DIP2C: variants seen among roughly 807,000 people sequenced by gnomAD.
DIP2C encodes disco-interacting protein 2 homolog C.
Under a neutral mutation model 192.4 loss-of-function variants are expected in DIP2C, and 33 were observed. The ratio of observed to expected loss-of-function variants is 0.17; its 90% CI spans 0.13 to 0.23. The LOEUF (loss-of-function observed/expected upper bound fraction) is 0.23, where lower values mean the gene tolerates loss of function less well. Ranked by LOEUF, DIP2C falls within the 10% of genes least tolerant of loss-of-function variation. The pLI, the probability that DIP2C is intolerant of heterozygous loss-of-function variation, is 1.00. For synonymous variants in DIP2C, 979 were observed against 864.1 expected, an observed-to-expected ratio of 1.13 and a Z score of -2.33; for missense variants, 1,537 against 2,110.1, an observed-to-expected ratio of 0.73 and a Z score of 5.32.
At chr10:482,579 T>TAC (rs1843684352) in intron 2 of DIP2C, among the ~76,000 whole-genome samples, 1 of 152,180 alleles carries the variant, frequency 6.6e-6, no homozygotes, top group African/African-American at 2.4e-5. Flanking sequence ...TGGAGAGGAA[T>TAC]ACCAGATCTT....
At chr10:338,023 G>A (rs12769513) in intron 29 of DIP2C, among the ~76,000 whole-genome samples, 1 of 152,128 alleles carries the variant, frequency 6.6e-6, no homozygotes, top group Non-Finnish European at 1.5e-5. Flanking sequence ...TGGAGGCCTA[G>A]GCTGATGTGT....
intron 31 of DIP2C, among the ~76,000 whole-genome samples, chr10:316,477 G>A (rs186468580): frequency 8.5e-5 from 13 of 152,274 alleles, no homozygotes; most frequent in African/African-American, 2.9e-4. Flanking sequence ...CTATTCCACT[G>A]CCACACTCCC....
rs1157477615 is a variant in DIP2C at position 651,433 on chromosome 10, G to C, written c.85+38061C>G. On this transcript the variant is annotated intron_variant, in intron 1 of 36. Transcript: ENST00000280886. The surrounding 1 kb of genome is among the most constrained non-coding windows in gnomAD (Gnocchi z 4.1). ...GTGACTGAATGAACAAGTATGTTAA[G>C]TCGTTAAGTAAAAATAGCAGAAGAC... 1 of 687,372 alleles carries C rather than the reference G, an allele frequency of 1.5e-6. No homozygotes were observed. Among genetic ancestry groups the C allele is most frequent in the Non-Finnish European group, 2.7e-6 (1 of 374,622 alleles). The allele number at this position is 687,372 out of a possible 1,614,324, so 42.6% of individuals were successfully genotyped here. A position where few individuals can be genotyped will look rare whatever the true frequency, so the allele number is the denominator to read the frequency against.
Position 502,525 on chromosome 10 carries a change from C to A in DIP2C, c.86-15995G>T, listed in dbSNP as rs536413055. Among the ~76,000 whole-genome samples, 6 of 152,062 alleles carry A rather than the reference C, an allele frequency of 3.9e-5. No individual in the cohort carries two copies. In the South Asian group the frequency reaches 1.2e-3, roughly 32 times the overall value. ...AGCCAGAAAAAGACATCATAATGAG[C>A]ACAAATCAAAGAAACTGAAAACAGA... On this transcript the variant is annotated intron_variant, in intron 1 of 36. Transcript: ENST00000280886.
At chr10:514,844 T>G (rs78608396) in intron 1 of DIP2C, among the ~76,000 whole-genome samples, 2,418 of 152,280 alleles carry the variant, frequency 0.016, 62 homozygotes, top group African/African-American at 0.054. Flanking sequence ...TTCCTGTGCT[T>G]GGAGGATTTA....
At chr10:321,365 C>T (rs764653731) in intron 31 of DIP2C, among the ~76,000 whole-genome samples, 3 of 152,236 alleles carry the variant, frequency 2.0e-5, no homozygotes, top group East Asian at 1.9e-4. Flanking sequence ...CCCCTCTGAC[C>T]GTGATGCCCT....
rs1564824684 is a variant in DIP2C, at chr10:532,660, TATGGGTGTGAGA to T, written c.86-46142_86-46131del. On this transcript the variant is annotated intron_variant, in intron 1 of 36. Transcript: ENST00000280886. ...GAGAGAGTATGGGTGTGAGAGAGAGTATGGGTGTGAGAGAGAGTATGGGTGTGAGAGAGTATG... is the reference window on the plus strand; with the variant it reads ...GAGAGAGTATGGGTGTGAGAGAGAGTGAGAGTATGGGTGTGAGAGAGTATG... Among the ~76,000 whole-genome samples, 97 of 94,898 alleles carry T rather than the reference TATGGGTGTGAGA, an allele frequency of 1.0e-3. 2 individuals are homozygous for T. The highest frequency in any genetic ancestry group is 1.4e-3 in the Admixed American group (14 of 9,902). 62.3% of individuals were successfully genotyped at this position (94,898 alleles called of 152,430 possible).
intron 1 of DIP2C, among the ~76,000 whole-genome samples, chr10:607,411 T>TC (rs1434401923): frequency 2.0e-5 from 3 of 152,154 alleles, no homozygotes; most frequent in Non-Finnish European, 4.4e-5. Context: ...CATGAGTCCC[T>TC]CCAAGACTTC....
At chr10:638,148 A>G (rs1854941777) in intron 1 of DIP2C, among the ~76,000 whole-genome samples, 1 of 152,208 alleles carries the variant, frequency 6.6e-6, no homozygotes. Flanking sequence ...TCAAGTAAAA[A>G]TGAAAACAGG....
intron 3 of DIP2C, among the ~76,000 whole-genome samples, chr10:466,701 C>G (rs1157492569): frequency 6.6e-6 from 1 of 151,748 alleles, no homozygotes; most frequent in Non-Finnish European, 1.5e-5. Context: ...AAGAAAAAAA[C>G]AACCCCATCA....
intron 2 of DIP2C, among the ~76,000 whole-genome samples, chr10:479,830 C>A (rs1018682037): frequency 6.6e-6 from 1 of 151,490 alleles, no homozygotes; most frequent in South Asian, 2.1e-4. Context: ...CTCCAGTCGA[C>A]GCTCACTGGA....
intron 1 of DIP2C, among the ~76,000 whole-genome samples, chr10:490,524 C>T (rs1248414795): frequency 5.9e-5 from 9 of 152,170 alleles, no homozygotes; most frequent in Admixed American, 2.0e-4. Flanking sequence ...GGAGGCCCTC[C>T]GGGAGGCTGG....
chr10:631,571 T>A (rs1854522712), intron 1 of DIP2C, among the ~76,000 whole-genome samples: 1 of 152,210 alleles, frequency 6.6e-6, no homozygotes, highest in Non-Finnish European at 1.5e-5. Context: ...GTTTTTTTTT[T>A]ACAAGACCAT....
chr10:681,744 C>T (rs2119089693), intron 1 of DIP2C, among the ~76,000 whole-genome samples: 1 of 152,248 alleles, frequency 6.6e-6, no homozygotes, highest in East Asian at 1.9e-4. Flanking sequence ...TTATGAACTT[C>T]ACTGCAGTGA....
chr10:333,250 AC>A (rs1326957409), intron 29 of DIP2C, among the ~76,000 whole-genome samples: 4 of 152,246 alleles, frequency 2.6e-5, no homozygotes, highest in Admixed American at 1.3e-4. Context: ...TACTTTGCAT[AC>A]CCTAAGTTTC....
chr10:418,068 T>C lies in DIP2C; in HGVS notation c.739+997A>G, dbSNP rs867407870. 8.6e-3 allele frequency among the ~76,000 whole-genome samples: 70 copies of C among 8,096 alleles called. 18 individuals carry two copies. The highest frequency in any genetic ancestry group is 0.011 in the Non-Finnish European group (33 of 2,876). 5.3% of individuals were successfully genotyped at this position (8,096 alleles called of 152,430 possible). A position where few individuals can be genotyped will look rare whatever the true frequency, so the allele number is the denominator to read the frequency against. On this transcript the variant is annotated intron_variant, in intron 6 of 36. Transcript: ENST00000280886. Reference sequence around the variant, plus strand: ...TCAGGGCTTCGATAGGCCTCCCTGTTCACTGCACCTGTCAGGCCTCAGATA... The same window carrying C: ...TCAGGGCTTCGATAGGCCTCCCTGTCCACTGCACCTGTCAGGCCTCAGATA...
At chr10:503,166 G>A (rs117736447) in intron 1 of DIP2C, among the ~76,000 whole-genome samples, 80 of 151,046 alleles carry the variant, frequency 5.3e-4, no homozygotes, top group Non-Finnish European at 7.8e-4. Context: ...CATAAATTCC[G>A]CCAGGATGCC....
At chr10:534,143 T>A (rs761387109) in intron 1 of DIP2C, among the ~76,000 whole-genome samples, 6 of 152,040 alleles carry the variant, frequency 3.9e-5, no homozygotes, top group Admixed American at 3.3e-4. Context: ...CTTCCCAGAG[T>A]CCATGCTTCT....
At chr10:671,281 A>G (rs997733323) in intron 1 of DIP2C, among the ~76,000 whole-genome samples, 25 of 152,256 alleles carry the variant, frequency 1.6e-4, no homozygotes, top group Admixed American at 6.5e-5. Context: ...CCACAGGCTC[A>G]CAGACAGAGG....
Sources: gnomAD v4.1 joint callset for allele counts (sites outside exome capture counted in the v4.1 genomes callset) on GRCh38, gnomAD v4.1.1 for gene constraint, Gnocchi (gnomAD v3.1) non-coding constraint, MANE v1.5 for transcripts, NCBI Gene and HGNC (gene_info 2026-07-23, HGNC 2026-07-21) for gene names.